The following RBFOX1 variants were observed in gnomAD, a reference collection of about 807,000 sequenced individuals.
RBFOX1 encodes the protein RNA binding fox-1 homolog 1.
In RBFOX1, 8 loss-of-function variants were observed where a neutral mutation model predicts 57.7. That is an observed-to-expected ratio of 0.14 (90% CI 0.08 to 0.25). The LOEUF is 0.25. Ranked by LOEUF, RBFOX1 falls within the 10% of genes least tolerant of loss-of-function variation. The probability of loss-of-function intolerance (pLI) is 1.00; values close to 1 mark genes in which losing one functional copy is unlikely to be tolerated. For synonymous variants in RBFOX1, 326 were observed against 222.4 expected, an observed-to-expected ratio of 1.47 and a Z score of -4.15; for missense variants, 611 against 548.5, an observed-to-expected ratio of 1.11 and a Z score of -1.14.
chr16:7,070,014 C>A (rs528563720), intron 4 of RBFOX1, among the ~76,000 whole-genome samples: 34 of 152,292 alleles, frequency 2.2e-4, no homozygotes, highest in African/African-American at 7.9e-4. Context: ...TCATCATCAT[C>A]CTTTTGCCAT....
chr16:6,158,417 C>G (rs952868531), intron 1 of RBFOX1, among the ~76,000 whole-genome samples: 3 of 152,134 alleles, frequency 2.0e-5, no homozygotes, highest in African/African-American at 7.2e-5. Context: ...CCAGTCTCGC[C>G]GTGCCTGTGA....
chr16:6,954,714 A>G (rs947373070), intron 3 of RBFOX1, among the ~76,000 whole-genome samples: 5 of 152,100 alleles, frequency 3.3e-5, no homozygotes, highest in Non-Finnish European at 4.4e-5. Flanking sequence ...AAGTCTAGCC[A>G]TAGGTGAGGA....
intron 4 of RBFOX1, among the ~76,000 whole-genome samples, chr16:7,150,471 A>G (rs1056021638): frequency 2.0e-5 from 3 of 152,170 alleles, no homozygotes; most frequent in African/African-American, 7.2e-5. Context: ...AACTTCCACC[A>G]TTATTACCAC....
chr16:6,861,260 A>C (rs975671790), intron 3 of RBFOX1, among the ~76,000 whole-genome samples: 8 of 152,140 alleles, frequency 5.3e-5, no homozygotes, highest in Non-Finnish European at 7.3e-5. Context: ...ACCACACTCT[A>C]ACCATAGTCT....
intron 2 of RBFOX1, among the ~76,000 whole-genome samples, chr16:6,370,449 C>A (rs142454960): frequency 4.9e-4 from 69 of 142,204 alleles, no homozygotes; most frequent in African/African-American, 1.7e-3. Flanking sequence ...TCAATTTTAA[C>A]TAATCATTTT....
intron 4 of RBFOX1, among the ~76,000 whole-genome samples, chr16:7,268,197 G>A (rs1322189700): frequency 6.6e-6 from 1 of 152,212 alleles, no homozygotes; most frequent in Non-Finnish European, 1.5e-5. Context: ...AACGTCTTAT[G>A]GGACTGCTGT....
chr16:6,222,026 G>A (rs1311702064), intron 1 of RBFOX1, among the ~76,000 whole-genome samples: 4 of 152,128 alleles, frequency 2.6e-5, no homozygotes, highest in Non-Finnish European at 5.9e-5. Flanking sequence ...TTTTTAATGA[G>A]CAAGTCATGC....
intron 2 of RBFOX1, among the ~76,000 whole-genome samples, chr16:5,561,092 T>C (rs2151106595): frequency 6.6e-6 from 1 of 152,276 alleles, no homozygotes; most frequent in Non-Finnish European, 1.5e-5. Flanking sequence ...TGTTGTGTCT[T>C]CCTCCCAGTA....
intron 3 of RBFOX1, among the ~76,000 whole-genome samples, chr16:5,851,124 T>G (rs2056887698): frequency 6.6e-6 from 1 of 152,262 alleles, no homozygotes; most frequent in African/African-American, 2.4e-5. Context: ...GGACTTACCC[T>G]CACAATCAGC....
At chr16:5,581,554 A>G (rs1176852968) in intron 2 of RBFOX1, among the ~76,000 whole-genome samples, 2 of 152,220 alleles carry the variant, frequency 1.3e-5, no homozygotes, top group Non-Finnish European at 2.9e-5. Flanking sequence ...AATGGGCATG[A>G]TGCTGCAAGA....
At chr16:7,702,703 G>C (rs1034631634) in intron 14 of RBFOX1, among the ~76,000 whole-genome samples, 3 of 152,134 alleles carry the variant, frequency 2.0e-5, no homozygotes, top group Non-Finnish European at 4.4e-5. Flanking sequence ...ATTGCTGAAA[G>C]CCGAGCATTT....
At chr16:5,390,544 C>A (rs999650074) in intron 1 of RBFOX1, among the ~76,000 whole-genome samples, 1 of 152,162 alleles carries the variant, frequency 6.6e-6, no homozygotes, top group Admixed American at 6.5e-5. Flanking sequence ...CTGCCTCGGC[C>A]TCCCAAAGTG....
intron 4 of RBFOX1, among the ~76,000 whole-genome samples, chr16:5,962,826 T>G (rs896195470): frequency 4.6e-5 from 7 of 150,872 alleles, no homozygotes; most frequent in African/African-American, 7.3e-5. Flanking sequence ...TGGTTTTTTT[T>G]TTTTTTTTTT....
chr16:6,666,044 G>A lies in RBFOX1; in HGVS notation c.-16+11394G>A, dbSNP rs970436709. ...CCGAGATCTGATGGTTTTATAAGAG[G>A]AAACCCCTTTCGCTTGTTTTTCATT... On this transcript the variant is annotated intron_variant, in intron 3 of 15. Transcript: ENST00000550418. Among the ~76,000 whole-genome samples the A allele has an allele frequency of 7.2e-5, 11 of 152,250 alleles. No homozygotes were observed. The South Asian group carries it at 1.9e-3, about 26-fold the overall frequency.
At chr16:6,759,192 C>G (rs369864766) in intron 3 of RBFOX1, among the ~76,000 whole-genome samples, 3 of 150,892 alleles carry the variant, frequency 2.0e-5, no homozygotes, top group Non-Finnish European at 4.4e-5. Context: ...GCTCTGTTGC[C>G]CAGGCTGGAG....
chr16:6,786,908 T>TA (rs58005268), intron 3 of RBFOX1, among the ~76,000 whole-genome samples: 50 of 149,998 alleles, frequency 3.3e-4, no homozygotes, highest in Non-Finnish European at 6.2e-4. Context: ...TTTTTACTTT[T>TA]AAAAAAAAAA....
chr16:6,032,182 TCTTC>T (rs1227351232), intron 1 of RBFOX1, among the ~76,000 whole-genome samples: 2 of 152,130 alleles, frequency 1.3e-5, no homozygotes, highest in African/African-American at 4.8e-5. Context: ...TGAGATTCCT[TCTTC>T]CTTGCTGGTC....
chr16:7,594,987 T>A (rs1185316272), intron 7 of RBFOX1, among the ~76,000 whole-genome samples: 1 of 152,200 alleles, frequency 6.6e-6, no homozygotes, highest in Non-Finnish European at 1.5e-5. Flanking sequence ...TTTTTTAGGC[T>A]TTTAAGTTTT....
intron 1 of RBFOX1, among the ~76,000 whole-genome samples, chr16:5,408,951 C>T (rs746412850): frequency 3.3e-5 from 5 of 152,224 alleles, no homozygotes; most frequent in Non-Finnish European, 5.9e-5. Context: ...CAGGCCCTAC[C>T]TCTAATACTG....
Sources: gnomAD v4.1 joint callset for allele counts (sites outside exome capture counted in the v4.1 genomes callset) on GRCh38, gnomAD v4.1.1 for gene constraint, MANE v1.5 for transcripts, NCBI Gene and HGNC (gene_info 2026-07-23, HGNC 2026-07-21) for gene names.